Variants in ASIC2 observed in about 807,000 individuals in gnomAD.
ASIC2 encodes acid sensing ion channel subunit 2.
A neutral mutation model predicts 57.3 loss-of-function variants in ASIC2; 25 were observed. The ratio of observed to expected loss-of-function variants is 0.44; its 90% CI spans 0.32 to 0.61. The LOEUF is 0.61. Ranked by LOEUF, ASIC2 falls within the 20% of genes least tolerant of loss-of-function variation. ASIC2 has a pLI of 0.06. For synonymous variants in ASIC2, 319 were observed against 307.5 expected, an observed-to-expected ratio of 1.04 and a Z score of -0.39; for missense variants, 641 against 738.1, an observed-to-expected ratio of 0.87 and a Z score of 1.52.
At chr17:33,555,183 C>A (rs1915869349) in intron 1 of ASIC2, among the ~76,000 whole-genome samples, 3 of 152,154 alleles carry the variant, frequency 2.0e-5, no homozygotes, top group Non-Finnish European at 4.4e-5. Flanking sequence ...GCTACCTAAC[C>A]TACTATTCCC....
Position 33,718,286 on chromosome 17 carries a change from G to A in ASIC2, c.555+437692C>T, listed in dbSNP as rs140674412. 5.9e-5 allele frequency among the ~76,000 whole-genome samples: 9 copies of A among 152,284 alleles called. No individual in the cohort carries two copies. In the East Asian group the frequency reaches 1.7e-3, roughly 29 times the overall value. On this transcript the variant is annotated intron_variant, in intron 1 of 9. Coordinates refer to the ASIC2 transcript ENST00000359872. ...TCCGAATATTTCTGATCCAAGGTTAGTTGAATCGACAGGTATATTAAGATG... is the reference window on the plus strand; with the variant it reads ...TCCGAATATTTCTGATCCAAGGTTAATTGAATCGACAGGTATATTAAGATG...
At chr17:33,714,985 T>TTATTATTA (rs1909168329) in intron 1 of ASIC2, among the ~76,000 whole-genome samples, 18 of 142,214 alleles carry the variant, frequency 1.3e-4, no homozygotes, top group African/African-American at 4.8e-4. Flanking sequence ...GCCAGGCTAA[T>TTATTATTA]TTATTATTAT....
At chr17:33,928,259 G>A (rs966306624) in intron 1 of ASIC2, among the ~76,000 whole-genome samples, 1 of 152,208 alleles carries the variant, frequency 6.6e-6, no homozygotes, top group African/African-American at 2.4e-5. Context: ...CTCTCCTGGT[G>A]TTCTAACTCA....
intron 1 of ASIC2, among the ~76,000 whole-genome samples, chr17:33,952,015 A>G (rs1904591722): frequency 6.6e-6 from 1 of 152,220 alleles, no homozygotes; most frequent in African/African-American, 2.4e-5. Context: ...TAAATTGCAT[A>G]CATATAGTAA....
intron 1 of ASIC2, among the ~76,000 whole-genome samples, chr17:33,535,320 C>G (rs369849407): frequency 6.6e-6 from 1 of 151,234 alleles, no homozygotes; most frequent in Non-Finnish European, 1.5e-5. Context: ...TCGCCCAGGC[C>G]GGAGTGCAGT....
At chr17:33,987,081 T>C (rs1020225398) in intron 1 of ASIC2, among the ~76,000 whole-genome samples, 1 of 152,198 alleles carries the variant, frequency 6.6e-6, no homozygotes, top group African/African-American at 2.4e-5. Flanking sequence ...TAGAACCCTA[T>C]GGACCTCACT....
At position 33,666,484 on chromosome 17, in the gene ASIC2, A is replaced by C. The variant is rs188810791; in HGVS notation, c.555+489494T>G. 9.4e-4 allele frequency among the ~76,000 whole-genome samples: 143 copies of C among 152,324 alleles called. 1 individual carries two copies. Among genetic ancestry groups the C allele is most frequent in the Non-Finnish European group, 1.4e-3 (94 of 68,028 alleles). On this transcript the variant is annotated intron_variant, in intron 1 of 9. Transcript: ENST00000359872. ...GAGAGCCAAGAGGCTCAAAGCCCCC[A>C]GAGGGTGACTCATTCTTCCAGCCCT...
In ASIC2 at chr17:33,690,281, C is replaced by G. The variant is rs1037043803; in HGVS notation, c.555+465697G>C. On this transcript the variant is annotated intron_variant, in intron 1 of 9. Coordinates refer to the ASIC2 transcript ENST00000359872. ...TTAGCTCATGGTTCTGCAAAGTGGGCAGGACTCAACTAGGCTGGGTCATCT... is the reference window on the plus strand; with the variant it reads ...TTAGCTCATGGTTCTGCAAAGTGGGGAGGACTCAACTAGGCTGGGTCATCT... Among the ~76,000 whole-genome samples, 29 of 152,168 alleles carry G rather than the reference C, an allele frequency of 1.9e-4. 1 individual carries two copies. Among genetic ancestry groups the G allele is most frequent in the Admixed American group, 6.5e-5 (1 of 15,272 alleles).
At chr17:33,559,832 A>G (rs767759099) in intron 1 of ASIC2, among the ~76,000 whole-genome samples, 4 of 142,670 alleles carry the variant, frequency 2.8e-5, no homozygotes, top group Non-Finnish European at 4.8e-5. Flanking sequence ...AGCTATGTCT[A>G]TGATATAACT....
chr17:33,856,586 T>TAGTGGTAGTAGTGGCAGTAGCAGC (rs1913961404), intron 1 of ASIC2, among the ~76,000 whole-genome samples: 1 of 148,840 alleles, frequency 6.7e-6, no homozygotes. Context: ...TTGGCTGTAG[T>TAGTGGTAGTAGTGGCAGTAGCAGC]ATCCTAACAG....
intron 1 of ASIC2, among the ~76,000 whole-genome samples, chr17:33,450,412 C>T (rs1369773309): frequency 6.6e-6 from 1 of 152,176 alleles, no homozygotes; most frequent in African/African-American, 2.4e-5. Flanking sequence ...TGGTTGTTCT[C>T]TTTCCACTTT....
intron 1 of ASIC2, among the ~76,000 whole-genome samples, chr17:33,135,287 T>C (rs1256726513): frequency 6.6e-6 from 1 of 152,120 alleles, no homozygotes; most frequent in Non-Finnish European, 1.5e-5. Flanking sequence ...TGGAATACCC[T>C]TTCCAGGAAT....
chr17:33,542,842 A>C (rs924846992), intron 1 of ASIC2, among the ~76,000 whole-genome samples: 5 of 149,584 alleles, frequency 3.3e-5, no homozygotes, highest in African/African-American at 1.2e-4. Context: ...CCTGAATGGT[A>C]ATGCCTAGGT....
At chr17:33,543,929 G>C (rs1217620663) in intron 1 of ASIC2, among the ~76,000 whole-genome samples, 4 of 152,196 alleles carry the variant, frequency 2.6e-5, no homozygotes, top group East Asian at 1.9e-4. Flanking sequence ...AGAGAGTACA[G>C]TACATTTTGA....
intron 1 of ASIC2, among the ~76,000 whole-genome samples, chr17:33,180,200 A>G (rs867197632): frequency 2.6e-5 from 4 of 152,218 alleles, no homozygotes; most frequent in South Asian, 4.1e-4. Flanking sequence ...GGTTCTATTT[A>G]CGTCCACCTT....
At chr17:34,023,271 TTCTATTTG>T (rs1237963144) in intron 1 of ASIC2, among the ~76,000 whole-genome samples, 1 of 152,090 alleles carries the variant, frequency 6.6e-6, no homozygotes, top group Non-Finnish European at 1.5e-5. Context: ...TTCCTTCTGC[TTCTATTTG>T]TCTCTTTCCT....
In ASIC2 at chr17:33,818,622, T is replaced by C. The variant is rs909435236; in HGVS notation, c.555+337356A>G. Among the ~76,000 whole-genome samples, 4 of 152,316 alleles carry C rather than the reference T, an allele frequency of 2.6e-5. No individual in the cohort carries two copies. In the East Asian group the frequency reaches 7.7e-4, roughly 29 times the overall value. On this transcript the variant is annotated intron_variant, in intron 1 of 9. Coordinates refer to the ASIC2 transcript ENST00000359872. ...GGGTGGGGCAAGTGACACAGGCATC[T>C]AATGGGTAGGGATGCTGCTGAGCGT...
intron 1 of ASIC2, chr17:34,004,639 G>A (rs185899544): frequency 5.8e-4 from 88 of 152,282 alleles, no homozygotes; most frequent in African/African-American, 2.0e-3. Flanking sequence ...CTCAGTTTCT[G>A]CTTCTGTTTA....
intron 1 of ASIC2, among the ~76,000 whole-genome samples, chr17:33,279,951 C>G (rs1215822366): frequency 6.6e-6 from 1 of 152,140 alleles, no homozygotes; most frequent in Non-Finnish European, 1.5e-5. Flanking sequence ...TCCTTTATCC[C>G]TCTCCCGTGT....
Sources: allele counts gnomAD v4.1 joint callset (sites outside exome capture counted in the v4.1 genomes callset), GRCh38; gene constraint gnomAD v4.1.1; transcripts MANE v1.5; gene names NCBI Gene and HGNC (gene_info 2026-07-23, HGNC 2026-07-21).